Variants in NEMP2 observed in about 807,000 individuals in gnomAD.
The protein encoded by NEMP2 is nuclear envelope integral membrane protein 2.
In NEMP2, 53 loss-of-function variants were observed where a neutral mutation model predicts 54.2. The observed-to-expected ratio is 0.98, with a 90% CI of 0.78 to 1.23. The LOEUF (loss-of-function observed/expected upper bound fraction) is 1.23, where lower values mean the gene tolerates loss of function less well. Ranked by LOEUF, NEMP2 falls within the 50% of genes most tolerant of loss-of-function variation. The probability of loss-of-function intolerance (pLI) is 0.00; values close to 1 mark genes in which losing one functional copy is unlikely to be tolerated. For synonymous variants in NEMP2, 197 were observed against 190.3 expected (o/e 1.04, Z -0.29); for missense variants, 455 against 511.3 (o/e 0.89, Z 1.06).
the NEMP2 span, among the ~76,000 whole-genome samples, chr2:190,548,031 G>T: frequency 6.6e-6 from 1 of 152,126 alleles, no homozygotes; most frequent in Non-Finnish European, 1.5e-5. Context: ...TAGGTCACTT[G>T]CCACTTGGAA....
the NEMP2 span, among the ~76,000 whole-genome samples, chr2:190,574,789 C>G: frequency 7.8e-6 from 1 of 128,716 alleles, no homozygotes; most frequent in East Asian, 2.2e-4. Context: ...CCTTCCCTCC[C>G]TTCCCTCCCT....
At position 190,528,512 on chromosome 2, in the gene NEMP2, G is replaced by T. The variant is rs553270777; in HGVS notation, c.98-3134C>A. Among the ~76,000 whole-genome samples the T allele has an allele frequency of 4.6e-5, 7 of 152,146 alleles. No individual in the cohort carries two copies. Among genetic ancestry groups the T allele is most frequent in the Non-Finnish European group, 8.8e-5 (6 of 68,024 alleles). On this transcript the variant is annotated intron_variant, in intron 1 of 8. Transcript: ENST00000409150. The surrounding 1 kb of genome is among the most constrained non-coding windows in gnomAD (Gnocchi z 4.3). The stretch of plus-strand genomic sequence containing the variant: ...CAGCAGGGCAGGTGAAGAGCATGAA[G>T]TCTCAGGTACACGGACCCAGCAGCC...
rs1342326892 is a variant in NEMP2 at position 190,519,224 on chromosome 2, TC to T, written c.214-42del. ...AAGCAAATCCATAAACAGAATAACT[TC>T]TCTTTTTTGTTTTGGAGACAGGGTC... is the stretch of plus-strand genomic sequence containing the variant. On this transcript the variant is annotated intron_variant, in intron 2 of 8. Coordinates refer to ENST00000409150, the MANE Select transcript of NEMP2 (RefSeq NM_001142645.2). The surrounding 1 kb of genome is among the most constrained non-coding windows in gnomAD (Gnocchi z 5.4). 7.2e-7 allele frequency: 1 copy of T among 1,397,526 alleles called. No homozygotes were observed. 86.6% of individuals were successfully genotyped at this position (1,397,526 alleles called of 1,614,324 possible). A position where few individuals can be genotyped will look rare whatever the true frequency, so the allele number is the denominator to read the frequency against.
the NEMP2 span, among the ~76,000 whole-genome samples, chr2:190,578,769 G>C: frequency 6.6e-6 from 1 of 151,584 alleles, no homozygotes; most frequent in Non-Finnish European, 1.5e-5. The surrounding 1 kb of genome is among the most constrained non-coding windows in gnomAD (Gnocchi z 4.4). Context: ...TGGAGTGCAG[G>C]GGTGGAGGGA....
At position 190,527,350 on chromosome 2, in the gene NEMP2, T is replaced by C. The variant is rs1446893827; in HGVS notation, c.98-1972A>G. On this transcript the variant is annotated intron_variant, in intron 1 of 8. Transcript: ENST00000409150. This position sits in a 1 kb window ranked among gnomAD's most constrained non-coding sequence, Gnocchi z 4.0. ...GGCCTGAAATATCCTTAGCATTAAGTTGGAGAAAAGTGAAGACAGACTTGG... is the reference window on the plus strand; with the variant it reads ...GGCCTGAAATATCCTTAGCATTAAGCTGGAGAAAAGTGAAGACAGACTTGG... Among the ~76,000 whole-genome samples, 1 of 151,968 alleles carries C rather than the reference T, an allele frequency of 6.6e-6. No homozygotes were observed. Among genetic ancestry groups the C allele is most frequent in the Non-Finnish European group, 1.5e-5 (1 of 68,000 alleles).
chr2:190,494,067 G>T, the NEMP2 span, among the ~76,000 whole-genome samples: 4 of 152,130 alleles, frequency 2.6e-5, no homozygotes, highest in South Asian at 8.3e-4. This position sits in a 1 kb window ranked among gnomAD's most constrained non-coding sequence, Gnocchi z 5.7. Context: ...GAAACAAAAA[G>T]CTGGTTGTTT....
the NEMP2 span, among the ~76,000 whole-genome samples, chr2:190,463,636 C>G: frequency 6.6e-6 from 1 of 152,090 alleles, no homozygotes; most frequent in South Asian, 2.1e-4. This position sits in a 1 kb window ranked among gnomAD's most constrained non-coding sequence, Gnocchi z 4.4. Flanking sequence ...GCCTGGGCAA[C>G]ATAGTGAGAC....
the NEMP2 span, chr2:190,469,940 T>C: frequency 2.1e-6 from 2 of 938,286 alleles, no homozygotes; most frequent in Non-Finnish European, 3.3e-6. This position sits in a 1 kb window ranked among gnomAD's most constrained non-coding sequence, Gnocchi z 5.3. Flanking sequence ...CATCTGATTC[T>C]ATAAAGGAAG....
chr2:190,440,538 T>G, the NEMP2 span, among the ~76,000 whole-genome samples: 18 of 152,362 alleles, frequency 1.2e-4, no homozygotes, highest in African/African-American at 4.1e-4. Context: ...TTCACATTGC[T>G]TAACATTTTA....
intron 1 of NEMP2, among the ~76,000 whole-genome samples, chr2:190,526,269 G>A (rs1257294159): frequency 1.3e-5 from 2 of 152,160 alleles, no homozygotes; most frequent in Admixed American, 6.5e-5. Flanking sequence ...TGTCTCTCCT[G>A]CTGTCCCCTC....
chr2:190,450,634 A>G, the NEMP2 span, among the ~76,000 whole-genome samples: 8 of 151,888 alleles, frequency 5.3e-5, no homozygotes, highest in South Asian at 8.3e-4. Flanking sequence ...CACAGACTAC[A>G]GGCATGTGCC....
chr2:190,467,568 G>T, the NEMP2 span, among the ~76,000 whole-genome samples: 1 of 152,198 alleles, frequency 6.6e-6, no homozygotes, highest in African/African-American at 2.4e-5. The surrounding 1 kb of genome is among the most constrained non-coding windows in gnomAD (Gnocchi z 5.5). Flanking sequence ...AGCCGAGATC[G>T]TGCCACTGCT....
the NEMP2 span, among the ~76,000 whole-genome samples, chr2:190,644,523 T>A: frequency 7.9e-5 from 12 of 152,204 alleles, no homozygotes; most frequent in Non-Finnish European, 1.3e-4. This position sits in a 1 kb window ranked among gnomAD's most constrained non-coding sequence, Gnocchi z 4.4. Context: ...ACAAAAAAAA[T>A]TATTCTCTTT....
chr2:190,497,140 A>C, the NEMP2 span, among the ~76,000 whole-genome samples: 1 of 152,174 alleles, frequency 6.6e-6, no homozygotes, highest in Non-Finnish European at 1.5e-5. The surrounding 1 kb of genome is among the most constrained non-coding windows in gnomAD (Gnocchi z 5.2). Flanking sequence ...AATGGGCCTA[A>C]GGCAACACTC....
In NEMP2 at chr2:190,513,386, G is replaced by A. The variant is rs897880405; in HGVS notation, c.953+1067C>T. 6.6e-6 allele frequency among the ~76,000 whole-genome samples: 1 copy of A among 152,160 alleles called. No individual in the cohort carries two copies. Among genetic ancestry groups the A allele is most frequent in the Non-Finnish European group, 1.5e-5 (1 of 68,032 alleles). ...GAGTGGTAACAGCCCCGTTTTCAAT[G>A]AGGTTGCTTTGTAGAGTTTCCCACA... On this transcript the variant is annotated intron_variant, in intron 7 of 8. Coordinates refer to ENST00000409150, the MANE Select transcript of NEMP2 (RefSeq NM_001142645.2). This position sits in a 1 kb window ranked among gnomAD's most constrained non-coding sequence, Gnocchi z 5.3.
At chr2:190,449,199 C>T in the NEMP2 span, among the ~76,000 whole-genome samples, 5 of 152,254 alleles carry the variant, frequency 3.3e-5, no homozygotes, top group East Asian at 1.9e-4. Context: ...ATTAGCTGGG[C>T]GCAGTGGCTC....
the NEMP2 span, chr2:190,436,764 C>T: frequency 3.7e-6 from 6 of 1,614,066 alleles, no homozygotes; most frequent in Admixed American, 3.3e-5. This position sits in a 1 kb window ranked among gnomAD's most constrained non-coding sequence, Gnocchi z 5.3. Flanking sequence ...TGAACTCAAG[C>T]ACAGCAACCC....
chr2:190,476,670 G>A, the NEMP2 span, among the ~76,000 whole-genome samples: 1 of 152,160 alleles, frequency 6.6e-6, no homozygotes, highest in African/African-American at 2.4e-5. Context: ...TCTAGAACTA[G>A]AAATACCATT....
At chr2:190,431,903 A>G in the NEMP2 span, among the ~76,000 whole-genome samples, 1 of 152,198 alleles carries the variant, frequency 6.6e-6, no homozygotes, top group African/African-American at 2.4e-5. The surrounding 1 kb of genome is among the most constrained non-coding windows in gnomAD (Gnocchi z 4.4). Flanking sequence ...CTTTAAAAAT[A>G]TACATTATTC....
Sources: gnomAD v4.1 joint callset for allele counts (sites outside exome capture counted in the v4.1 genomes callset) on GRCh38, gnomAD v4.1.1 for gene constraint, Gnocchi (gnomAD v3.1) non-coding constraint, MANE v1.5 for transcripts, NCBI Gene and HGNC (gene_info 2026-07-23, HGNC 2026-07-21) for gene names.